Variants in EIF2B4 observed in about 807,000 individuals in gnomAD.
The protein encoded by EIF2B4 is eukaryotic translation initiation factor 2B subunit delta, also known as translation initiation factor eIF2B subunit delta.
EIF2B4 carries 34 observed loss-of-function variants against 66.7 expected under a neutral mutation model. That is an observed-to-expected ratio of 0.51 (90% CI 0.39 to 0.68). The LOEUF is 0.68. Ranked by LOEUF, EIF2B4 falls within the 30% of genes least tolerant of loss-of-function variation. The pLI, the probability that EIF2B4 is intolerant of heterozygous loss-of-function variation, is 0.00. For missense variants in EIF2B4, 618 were observed against 657.9 expected (o/e 0.94, Z 0.66); for synonymous variants, 278 against 253.6 (o/e 1.10, Z -0.92).
intron 11 of EIF2B4, 127 bp from the exon 12 acceptor site, chr2:27,365,025 A>G: frequency 1.0e-6 from 1 of 966,578 alleles, no homozygotes; most frequent in South Asian, 1.5e-5. Flanking sequence ...AAGAAGGGAA[A>G]GAAACAAAAA....
chr2:27,367,339 A>C (rs1681934587), intron 9 of EIF2B4, 118 bp downstream of exon 9: 1 of 1,575,572 alleles, frequency 6.3e-7, no homozygotes, highest in Non-Finnish European at 8.7e-7. Context: ...TGGCCAAACC[A>C]TTCCTTAACC....
At chr2:27,365,038 G>C in intron 11 of EIF2B4, 140 bp from the exon 12 acceptor site, 170 of 783,656 alleles carry the variant, frequency 2.2e-4, no homozygotes, top group Non-Finnish European at 3.3e-4. Context: ...AACAAAAACA[G>C]ACAACAAGTA....
chr2:27,369,237 C>A, intron 3 of EIF2B4, 25 bp from the exon 4 acceptor site: 1 of 1,595,420 alleles, frequency 6.3e-7, no homozygotes, highest in Non-Finnish European at 8.6e-7. Context: ...AAAAAAAATG[C>A]CCAAGCTGCA....
Position 27,365,126 on chromosome 2 carries a change from G to C in EIF2B4, c.1192-228C>G, listed in dbSNP as rs540126092. On this transcript the variant is annotated intron_variant, in intron 11 of 12. Transcript: ENST00000347454. ...GGCTGGAGTGCAATGGCGCGATCTC[G>C]GCTCACCACAACCTCTGCCTCCTGG... 9 of 471,630 alleles carry C rather than the reference G, an allele frequency of 1.9e-5. No individual in the cohort carries two copies. The Middle Eastern group carries it at 1.9e-3, about 99-fold the overall frequency. The allele number at this position is 471,630 out of a possible 1,614,324, so 29.2% of individuals were successfully genotyped here.
chr2:27,367,080 T>C lies in EIF2B4; in HGVS notation c.1007A>G (p.Tyr336Cys). The change falls in exon 10 of 13, where the codon TAT becomes TGT. Residue 336 changes from tyrosine (Y) to cysteine (C), a missense_variant. Transcript: ENST00000347454. ...CACAAGGTCTGGACCATACCATCCA[T>C]ATACCAGGATCACATCTCCATTACT... ...KISNGDVILV[Y>C]GCSSLVSRIL... 6.2e-7 allele frequency: 1 copy of C among 1,614,228 alleles called. No homozygotes were observed. The highest frequency in any genetic ancestry group is 8.5e-7 in the Non-Finnish European group (1 of 1,180,046).
chr2:27,368,842 G>A lies in EIF2B4; in HGVS notation c.419-109C>T, dbSNP rs542746816. ...AAACAGGATGAGGTGGAGAAAACGG[G>A]AGAATAGGGTAGAAAAGGAAATAGG... On this transcript the variant is annotated intron_variant, in intron 4 of 12. Coordinates refer to ENST00000347454, the MANE Select transcript of EIF2B4 (RefSeq NM_001034116.2). The A allele has an allele frequency of 2.4e-5, 35 of 1,435,704 alleles. No individual in the cohort carries two copies. In the South Asian group the frequency reaches 3.6e-4, roughly 15 times the overall value. The allele number at this position is 1,435,704 out of a possible 1,614,324, so 88.9% of individuals were successfully genotyped here.
intron 6 of EIF2B4, 99 bp from the exon 7 acceptor site, chr2:27,368,238 C>T (rs1465584863): frequency 7.7e-7 from 1 of 1,301,150 alleles, no homozygotes; most frequent in Non-Finnish European, 1.1e-6. Context: ...AGCAGATTTC[C>T]CCACTCCTCT....
At chr2:27,367,651 A>G in intron 8 of EIF2B4, 92 bp from the exon 9 acceptor site, 1 of 1,592,284 alleles carries the variant, frequency 6.3e-7, no homozygotes, top group East Asian at 2.2e-5. Context: ...AAAAGAAAAT[A>G]GAACACAAAA....
Position 27,366,902 on chromosome 2 carries a change from A to G in EIF2B4, c.1048T>C (p.Trp350Arg), listed in dbSNP as rs1418755120. ...SLVSRILQEA[W>R]TEGRRFRVVV... ...ACCCGAAACCGCCGGCCCTCTGTCC[A>G]AGCCTCCTGAAGAATTCGTGATACC... The change falls in exon 11 of 13, where the codon TGG becomes CGG. Residue 350 changes from tryptophan (W) to arginine (R), a missense_variant. By Grantham distance (101) the Trp-to-Arg change is moderately radical. Around this residue, in one of 4 missense-constraint regions of EIF2B4, gnomAD observed 506 missense variants for 511.9 expected, o/e 0.99. Coordinates refer to ENST00000347454, the MANE Select transcript of EIF2B4 (RefSeq NM_001034116.2). The G allele has an allele frequency of 2.5e-6, 4 of 1,614,190 alleles. No individual in the cohort carries two copies. The highest frequency in any genetic ancestry group is 2.2e-5 in the East Asian group (1 of 44,882).
rs760328185 is a variant in EIF2B4 at position 27,369,532 on chromosome 2, C to T, written c.93G>A (p.Met31Ile). The T allele has an allele frequency of 5.6e-6, 9 of 1,614,010 alleles. No homozygotes were observed. The highest frequency in any genetic ancestry group is 6.8e-6 in the Non-Finnish European group (8 of 1,180,046). ...PPGPGAVGRE[M>I]TKEEKLQLRK... The stretch of plus-strand genomic sequence containing the variant: ...GAAGCTGCAGCTTTTCTTCTTTGGT[C>T]ATTTCCCTCCCCACTGCCTGAGACA... Residue 31 changes from methionine to isoleucine, a missense_variant, in exon 3 of 13, where the codon ATG (methionine) becomes ATA (isoleucine). This residue lies in a region of EIF2B4 where 506 missense variants were observed against 511.9 expected (regional missense o/e 0.99). Coordinates refer to ENST00000347454, the MANE Select transcript of EIF2B4 (RefSeq NM_001034116.2).
intron 11 of EIF2B4, 84 bp from the exon 12 acceptor site, chr2:27,364,982 T>TTA (rs1402342089): frequency 4.5e-6 from 6 of 1,338,208 alleles, no homozygotes; most frequent in Non-Finnish European, 6.3e-6. Context: ...GACAGCAACA[T>TTA]TAAGACAAGT....
At chr2:27,369,995 C>A in intron 1 of EIF2B4, 76 bp from the exon 2 acceptor site, 4 of 1,537,810 alleles carry the variant, frequency 2.6e-6, no homozygotes, top group Non-Finnish European at 3.5e-6. Flanking sequence ...CTCGGCGCAG[C>A]CGGCTGCTGG....
In EIF2B4 at chr2:27,370,149, C is replaced by A. The variant is rs964955742; in HGVS notation, c.31+135G>T. 77 of 1,538,190 alleles carry A rather than the reference C, an allele frequency of 5.0e-5. No homozygotes were observed. The Admixed American group carries it at 8.4e-4, about 17-fold the overall frequency. On this transcript the variant is annotated intron_variant, in intron 1 of 12. Coordinates refer to ENST00000347454, the MANE Select transcript of EIF2B4 (RefSeq NM_001034116.2). ...CCGGTGCGCGGCGCGGGACTGCGCT[C>A]GAGACTGTGTAGACCGGAGCCCAGC...
At position 27,368,665 on chromosome 2, in the gene EIF2B4, C is replaced by G. The variant is rs1682052776; in HGVS notation, c.487G>C (p.Glu163Gln). The change falls in exon 5 of 13, where the codon GAG (glutamate) becomes CAG (glutamine). Residue 163 changes from glutamate to glutamine, a missense_variant. Physicochemically the swap from Glu to Gln is conservative, Grantham distance 29. This residue lies in a region of EIF2B4 where 506 missense variants were observed against 511.9 expected (regional missense o/e 0.99). Transcript: ENST00000347454. ...LLLRRLVKKP[E>Q]RQQVPTRKDY... ...AACCCACTTCCTACCTGTTGACGCT[C>G]TGGTTTTTTAACAAGCCTTCTCAGA... 6.2e-7 allele frequency: 1 copy of G among 1,614,088 alleles called. No individual in the cohort carries two copies. Among genetic ancestry groups the G allele is most frequent in the African/African-American group, 1.3e-5 (1 of 74,928 alleles).
intron 11 of EIF2B4, chr2:27,365,901 G>A (rs1029343704): frequency 3.3e-5 from 5 of 151,874 alleles, no homozygotes; most frequent in African/African-American, 1.2e-4. Context: ...TTGACACAGG[G>A]TTTCATTCTG....
At position 27,364,614 on chromosome 2, in the gene EIF2B4, G is replaced by A. The variant is rs187815059; in HGVS notation, c.1373-15C>T. On this transcript the variant is annotated splice_polypyrimidine_tract_variant and intron_variant, in intron 12 of 12. Coordinates refer to ENST00000347454, the MANE Select transcript of EIF2B4 (RefSeq NM_001034116.2). ...ATCAGGGTCATCTGCAATGGAAGGC[G>A]TACCCATTATGTTCTTTCAGAAAAG... 1.4e-5 allele frequency: 22 copies of A among 1,614,112 alleles called. 1 individual carries two copies. The highest frequency in any genetic ancestry group is 3.3e-5 in the Admixed American group (2 of 60,018).
intron 5 of EIF2B4, 58 bp downstream of exon 5, chr2:27,368,596 C>T: frequency 1.2e-6 from 2 of 1,604,322 alleles, no homozygotes; most frequent in Non-Finnish European, 1.7e-6. Flanking sequence ...AGCACCTTTC[C>T]TCCCTCCAGT....
chr2:27,367,463 T>C lies in EIF2B4; in HGVS notation c.879A>G (p.Glu293=). 3.7e-6 allele frequency: 6 copies of C among 1,614,146 alleles called. No homozygotes were observed. The South Asian group carries it at 4.4e-5, about 12-fold the overall frequency. Residue 293 remains glutamate, a synonymous_variant, in exon 9 of 13, where the codon GAA becomes GAG. Coordinates refer to ENST00000347454, the MANE Select transcript of EIF2B4 (RefSeq NM_001034116.2). ...TATTTCTCATACTCATCACCTCCTC[T>C]TCCCGCTTGGAACTGCCCACACTGG... is the stretch of plus-strand genomic sequence containing the variant. ...EITSVGSSKR[E]EEAKSELRAA... is the part of the protein sequence containing the mutation.
intron 1 of EIF2B4, 132 bp from the exon 2 acceptor site, chr2:27,370,051 G>A (rs45561836): frequency 1.8e-5 from 27 of 1,507,732 alleles, no homozygotes; most frequent in Non-Finnish European, 2.4e-5. Flanking sequence ...GCGAGCCAGG[G>A]ATCCGCGTGG....
Sources: allele counts gnomAD v4.1 joint callset, GRCh38; gene constraint gnomAD v4.1.1; regional missense constraint gnomAD v4.1.1; transcripts MANE v1.5; gene names NCBI Gene and HGNC (gene_info 2026-07-23, HGNC 2026-07-21).